The following UBA6 variants were observed in gnomAD, a reference collection of about 807,000 sequenced individuals.
UBA6 encodes the protein ubiquitin-like modifier-activating enzyme 6.
A neutral mutation model predicts 148.3 loss-of-function variants in UBA6; 87 were observed. The ratio of observed to expected loss-of-function variants is 0.59; its 90% CI spans 0.49 to 0.70. The LOEUF is 0.70. Among genes scored for constraint, UBA6 ranks in the 30% least tolerant of loss-of-function variants. The probability of loss-of-function intolerance (pLI) is 0.00; values close to 1 mark genes in which losing one functional copy is unlikely to be tolerated. For missense variants in UBA6, 1,186 were observed against 1,241.2 expected (o/e 0.96, Z 0.67); for synonymous variants, 376 against 401.0 (o/e 0.94, Z 0.75).
chr4:67,642,551 A>G (rs1038891833), intron 17 of UBA6, among the ~76,000 whole-genome samples: 5 of 152,086 alleles, frequency 3.3e-5, no homozygotes, highest in Non-Finnish European at 7.4e-5. Flanking sequence ...GTAAGAACCA[A>G]TAAGTGGTAG....
chr4:67,673,922 C>A, intron 6 of UBA6, 145 bp from the exon 7 acceptor site: 4 of 469,334 alleles, frequency 8.5e-6, no homozygotes, highest in Non-Finnish European at 1.5e-5. Context: ...GAATTCCATT[C>A]CAAGGTTAAT....
chr4:67,627,027 T>A (rs538427897), intron 27 of UBA6, among the ~76,000 whole-genome samples: 1 of 152,082 alleles, frequency 6.6e-6, no homozygotes, highest in South Asian at 2.1e-4. Context: ...CTGTTAAGTT[T>A]TTTCCTTAAG....
intron 19 of UBA6, among the ~76,000 whole-genome samples, chr4:67,637,633 C>A (rs932083231): frequency 8.0e-5 from 12 of 150,882 alleles, no homozygotes; most frequent in African/African-American, 2.7e-4. Flanking sequence ...TAATCTATGA[C>A]CTTAGCCCCA....
chr4:67,682,160 TG>T lies in UBA6; in HGVS notation c.187del (p.His63MetfsTer4), dbSNP rs1560499694. The T allele has an allele frequency of 6.2e-7, 1 of 1,613,948 alleles. No homozygotes were observed. ...ACCACCCATCCCACTTAAGAAAACA[TG>T]GGACTTGGCCATCTTCTGCATTGCT... ...DTAMQKMAKS[H>X]VFLSGMGGLG... On this transcript the variant is annotated frameshift_variant, in exon 3 of 33. Transcript: ENST00000322244. LOFTEE classifies it high-confidence loss of function.
At chr4:67,629,242 A>G in intron 26 of UBA6, 100 bp from the exon 27 acceptor site, 1 of 731,122 alleles carries the variant, frequency 1.4e-6, no homozygotes, top group South Asian at 1.6e-5. Flanking sequence ...CAATATATGA[A>G]TATTTCATTA....
chr4:67,680,418 A>G (rs1277046931), intron 4 of UBA6, among the ~76,000 whole-genome samples: 3 of 152,184 alleles, frequency 2.0e-5, no homozygotes, highest in Non-Finnish European at 4.4e-5. Flanking sequence ...TACAGGAAAT[A>G]CACATGTAGA....
rs1049465525 is a variant in UBA6 at position 67,615,973 on chromosome 4, G to C, written c.*3024C>G. 1 of 364,016 alleles carries C rather than the reference G, an allele frequency of 2.7e-6. No homozygotes were observed. The highest frequency in any genetic ancestry group is 2.1e-5 in the African/African-American group (1 of 47,936). 22.5% of individuals were successfully genotyped at this position (364,016 alleles called of 1,614,324 possible). ...GTCAATATATTCTACTAAGCTGAGT[G>C]CTAGTTATATAGTTGCTTTAAAATT... On this transcript the variant is annotated 3_prime_UTR_variant, in exon 33 of 33. Transcript: ENST00000322244.
At chr4:67,641,298 T>C in intron 17 of UBA6, 70 bp from the exon 18 acceptor site, 7 of 980,046 alleles carry the variant, frequency 7.1e-6, no homozygotes, top group Non-Finnish European at 1.1e-5. Flanking sequence ...TTTCTCAGTA[T>C]GACTAAAAAA....
At chr4:67,698,442 T>C (rs1322862111) in intron 1 of UBA6, among the ~76,000 whole-genome samples, 1 of 152,192 alleles carries the variant, frequency 6.6e-6, no homozygotes, top group Non-Finnish European at 1.5e-5. Flanking sequence ...ACTTATTCAG[T>C]TAACCCTTAC....
chr4:67,629,456 A>T, intron 26 of UBA6, among the ~76,000 whole-genome samples: 1 of 151,976 alleles, frequency 6.6e-6, no homozygotes, highest in East Asian at 1.9e-4. Context: ...TTGATCAGTC[A>T]GTTTTAATTC....
intron 9 of UBA6, 127 bp from the exon 10 acceptor site, chr4:67,665,419 T>TTTG: frequency 1.9e-6 from 1 of 537,224 alleles, no homozygotes; most frequent in Non-Finnish European, 3.1e-6. Context: ...TAGTGTTTTT[T>TTTG]TTTGTTTGTT....
At chr4:67,632,384 A>G (rs529423394) in intron 23 of UBA6, among the ~76,000 whole-genome samples, 1 of 152,364 alleles carries the variant, frequency 6.6e-6, no homozygotes, top group African/African-American at 2.4e-5. Flanking sequence ...AGATTTATCT[A>G]TGAATTGATA....
At chr4:67,699,841 C>G (rs1169439467) in intron 1 of UBA6, among the ~76,000 whole-genome samples, 1 of 152,116 alleles carries the variant, frequency 6.6e-6, no homozygotes, top group African/African-American at 2.4e-5. Context: ...TGAGCTCAAG[C>G]GACCCGCCTG....
intron 13 of UBA6, among the ~76,000 whole-genome samples, chr4:67,654,799 G>A (rs762130345): frequency 2.0e-5 from 3 of 150,794 alleles, no homozygotes; most frequent in African/African-American, 4.9e-5. Flanking sequence ...CCCATCTCAC[G>A]TGCAAAGAGG....
At chr4:67,680,229 A>G (rs915152410) in intron 4 of UBA6, among the ~76,000 whole-genome samples, 1 of 152,206 alleles carries the variant, frequency 6.6e-6, no homozygotes, top group African/African-American at 2.4e-5. Context: ...AGAATGATAA[A>G]ACATCATCAC....
chr4:67,656,757 G>A (rs1729707490), intron 13 of UBA6, among the ~76,000 whole-genome samples: 1 of 152,194 alleles, frequency 6.6e-6, no homozygotes, highest in Admixed American at 6.5e-5. Context: ...GTTTGCAGAT[G>A]ACCTGATTGT....
chr4:67,640,108 C>T (rs563065898), intron 18 of UBA6, among the ~76,000 whole-genome samples: 1 of 152,356 alleles, frequency 6.6e-6, no homozygotes, highest in East Asian at 1.9e-4. Flanking sequence ...TTTAAATTCA[C>T]ACATCTAGTT....
rs146234094 is a variant in UBA6 at position 67,665,882 on chromosome 4, T to C, written c.794-590A>G. Among the ~76,000 whole-genome samples the C allele has an allele frequency of 2.6e-5, 4 of 152,268 alleles. 1 individual carries two copies. The East Asian group carries it at 5.8e-4, about 22-fold the overall frequency. ...TGGGAGAAAAATTCCTTTAAAACCA[T>C]GTAGTAAGGAAGGCTTTTCTAAGTA... On this transcript the variant is annotated intron_variant, in intron 9 of 32. Transcript: ENST00000322244.
chr4:67,671,073 A>G (rs757640528), intron 7 of UBA6, among the ~76,000 whole-genome samples: 42 of 152,310 alleles, frequency 2.8e-4, no homozygotes, highest in Non-Finnish European at 5.0e-4. Context: ...TGAAAAACTG[A>G]CATCACAAAT....
Sources: gnomAD v4.1 joint callset for allele counts (sites outside exome capture counted in the v4.1 genomes callset) on GRCh38, gnomAD v4.1.1 for gene constraint, MANE v1.5 for transcripts, NCBI Gene and HGNC (gene_info 2026-07-23, HGNC 2026-07-21) for gene names.